Variants in ANKRD28 observed in about 807,000 individuals in gnomAD.
The protein encoded by ANKRD28 is serine/threonine-protein phosphatase 6 regulatory ankyrin repeat subunit A.
Under a neutral mutation model 126.5 loss-of-function variants are expected in ANKRD28, and 44 were observed. That is an observed-to-expected ratio of 0.35 (90% CI 0.27 to 0.45). ANKRD28 has a LOEUF of 0.45. ANKRD28 is among the 20% of genes least tolerant of loss of function. The pLI, the probability that ANKRD28 is intolerant of heterozygous loss-of-function variation, is 1.00. For synonymous variants in ANKRD28, 442 were observed against 468.5 expected (o/e 0.94, Z 0.73); for missense variants, 1,110 against 1,316.6 (o/e 0.84, Z 2.43).
chr3:15,709,777 G>T, intron 12 of ANKRD28, 41 bp from the exon 13 acceptor site: 2 of 1,344,424 alleles, frequency 1.5e-6, no homozygotes, highest in Non-Finnish European at 2.0e-6. Flanking sequence ...AATTGACAGT[G>T]ATTTTATAAT....
At chr3:15,808,216 T>C (rs1354120589) in intron 1 of ANKRD28, among the ~76,000 whole-genome samples, 1 of 152,212 alleles carries the variant, frequency 6.6e-6, no homozygotes, top group Non-Finnish European at 1.5e-5. Context: ...GTTTTTGAGC[T>C]GGTGAGAACC....
chr3:15,802,506 T>C (rs2125856486), upstream of ANKRD28, among the ~76,000 whole-genome samples: 1 of 152,358 alleles, frequency 6.6e-6, no homozygotes, highest in Non-Finnish European at 1.5e-5. Flanking sequence ...AGTGGACATA[T>C]ATCCTTCGAG....
chr3:15,708,660 A>G (rs2071802467), intron 13 of ANKRD28, among the ~76,000 whole-genome samples: 1 of 152,200 alleles, frequency 6.6e-6, no homozygotes, highest in East Asian at 1.9e-4. Context: ...CTATAAAAAT[A>G]TTGCATTCCA....
chr3:15,801,701 C>T (rs2060469047), upstream of ANKRD28, among the ~76,000 whole-genome samples: 1 of 152,108 alleles, frequency 6.6e-6, no homozygotes, highest in Admixed American at 6.5e-5. This position sits in a 1 kb window ranked among gnomAD's most constrained non-coding sequence, Gnocchi z 4.9. Flanking sequence ...GCTTTCTAGG[C>T]TACACAGGCC....
In ANKRD28 at chr3:15,817,067, C is replaced by T. The variant is rs2125901243; in HGVS notation, c.28-21761G>A. On this transcript the variant is annotated intron_variant, in intron 1 of 27. Coordinates refer to the ANKRD28 transcript ENST00000399451. This position sits in a 1 kb window ranked among gnomAD's most constrained non-coding sequence, Gnocchi z 4.5. ...AAACCAAAACCAAAAGAAACCCAAA[C>T]AAAAGCACACATCTGAATACTGTAA... 6.6e-6 allele frequency among the ~76,000 whole-genome samples: 1 copy of T among 152,190 alleles called. No homozygotes were observed. The highest frequency in any genetic ancestry group is 2.4e-5 in the African/African-American group (1 of 41,528).
chr3:15,714,631 T>C lies in ANKRD28; in HGVS notation c.1022A>G (p.His341Arg). The C allele has an allele frequency of 1.3e-6, 2 of 1,599,874 alleles. No individual in the cohort carries two copies. Among genetic ancestry groups the C allele is most frequent in the Non-Finnish European group, 1.7e-6 (2 of 1,175,132 alleles). Residue 341 changes from histidine (H) to arginine (R), a missense_variant, in exon 9 of 28, where the codon CAC (histidine) becomes CGC (arginine). By Grantham distance (29) the His-to-Arg change is conservative (BLOSUM62 0). Coordinates refer to ENST00000683139, the MANE Select transcript of ANKRD28 (RefSeq NM_001349278.2). ...MKSKDGKTPL[H>R]MTALHGRFSR... is the part of the protein sequence containing the mutation. ...GAATCTACCGTGGAGAGCAGTCATG[T>C]GTAGTGGGGTTTTCCCATCTTTACT...
At chr3:15,826,825 G>A (rs1279705439) in intron 1 of ANKRD28, among the ~76,000 whole-genome samples, 1 of 152,130 alleles carries the variant, frequency 6.6e-6, no homozygotes, top group African/African-American at 2.4e-5. Flanking sequence ...AGAAATGACA[G>A]CAGCAGGAAC....
chr3:15,787,435 G>A (rs78828238), intron 2 of ANKRD28, among the ~76,000 whole-genome samples: 8,026 of 152,214 alleles, frequency 0.053, 617 homozygotes, highest in African/African-American at 0.17. Flanking sequence ...AAGAGCTGGA[G>A]GGAGGTGTCA....
At chr3:15,700,547 G>A (rs531145103) in intron 14 of ANKRD28, among the ~76,000 whole-genome samples, 6 of 152,132 alleles carry the variant, frequency 3.9e-5, no homozygotes, top group East Asian at 1.9e-4. Flanking sequence ...AGGCTGAGGC[G>A]GGCAGATCAT....
chr3:15,690,375 A>G (rs2068632941), intron 17 of ANKRD28, among the ~76,000 whole-genome samples, 155 bp from the exon 18 acceptor site: 1 of 152,240 alleles, frequency 6.6e-6, no homozygotes, highest in Non-Finnish European at 1.5e-5. Context: ...AGTTAACTAC[A>G]GATCTTTCTA....
chr3:15,825,461 G>T (rs942853060), intron 1 of ANKRD28, among the ~76,000 whole-genome samples: 1 of 152,088 alleles, frequency 6.6e-6, no homozygotes, highest in South Asian at 2.1e-4. Flanking sequence ...AATTCGGGGC[G>T]GTGGGGGAGG....
chr3:15,735,189 A>G (rs1246872230), intron 6 of ANKRD28, among the ~76,000 whole-genome samples: 1 of 152,008 alleles, frequency 6.6e-6, no homozygotes, highest in African/African-American at 2.4e-5. Flanking sequence ...CTCTTTTTTT[A>G]AGGGTAAATG....
At position 15,838,736 on chromosome 3, in the gene ANKRD28, G is replaced by A. The variant is rs1269959243; in HGVS notation, c.27+20641C>T. On this transcript the variant is annotated intron_variant, in intron 1 of 27. Coordinates refer to the ANKRD28 transcript ENST00000399451. The surrounding 1 kb of genome is among the most constrained non-coding windows in gnomAD (Gnocchi z 4.0). ...GCACTCCAGCCTGGGCAACAAGAAC[G>A]AAACTCCGTCTCAAAAAAAAAAAAA... Among the ~76,000 whole-genome samples the A allele has an allele frequency of 3.7e-5, 5 of 135,954 alleles. No homozygotes were observed. Among genetic ancestry groups the A allele is most frequent in the African/African-American group, 1.0e-4 (4 of 39,084 alleles). 89.2% of individuals were successfully genotyped at this position (135,954 alleles called of 152,430 possible). A position where few individuals can be genotyped will look rare whatever the true frequency, so the allele number is the denominator to read the frequency against.
rs1177183509 is a variant in ANKRD28 at position 15,853,018 on chromosome 3, T to C, written c.27+6359A>G. 2.6e-5 allele frequency among the ~76,000 whole-genome samples: 4 copies of C among 152,018 alleles called. No homozygotes were observed. Among genetic ancestry groups the C allele is most frequent in the Non-Finnish European group, 5.9e-5 (4 of 68,000 alleles). ...GTATCGCTTAAGGAGGGTGGATGAA[T>C]AATTTAATAGCATAACTAAGAATTG... On this transcript the variant is annotated intron_variant, in intron 1 of 27. Transcript: ENST00000399451. The surrounding 1 kb of genome is among the most constrained non-coding windows in gnomAD (Gnocchi z 4.2).
At chr3:15,831,491 T>C (rs775193961) in intron 1 of ANKRD28, among the ~76,000 whole-genome samples, 2 of 152,156 alleles carry the variant, frequency 1.3e-5, no homozygotes, top group Non-Finnish European at 2.9e-5. Flanking sequence ...CTCTGTCCAA[T>C]AGGTGCCAAT....
intron 1 of ANKRD28, among the ~76,000 whole-genome samples, chr3:15,829,717 A>G (rs979120410): frequency 1.3e-5 from 2 of 152,170 alleles, no homozygotes; most frequent in African/African-American, 4.8e-5. Flanking sequence ...AGCTCTGTAA[A>G]GGTAGCAAGC....
chr3:15,712,079 C>T (rs1441927219), intron 11 of ANKRD28, 61 bp downstream of exon 11: 2 of 1,261,098 alleles, frequency 1.6e-6, no homozygotes, highest in Admixed American at 2.0e-5. Context: ...AGGATAGAGA[C>T]CATCTAAAAA....
intron 18 of ANKRD28, chr3:15,686,529 G>A (rs1315818003): frequency 1.4e-5 from 8 of 554,588 alleles, no homozygotes; most frequent in East Asian, 6.4e-5. Flanking sequence ...CAGGCAGACC[G>A]CCTACCCAGC....
At chr3:15,695,876 CAGG>C (rs2069468523) in intron 15 of ANKRD28, among the ~76,000 whole-genome samples, 1 of 151,962 alleles carries the variant, frequency 6.6e-6, no homozygotes, top group Admixed American at 6.6e-5. Context: ...TTTAAAGGGG[CAGG>C]AGAAGTAAAT....
Sources: allele counts gnomAD v4.1 joint callset (sites outside exome capture counted in the v4.1 genomes callset), GRCh38; gene constraint gnomAD v4.1.1; non-coding constraint Gnocchi (gnomAD v3.1); transcripts MANE v1.5; gene names NCBI Gene and HGNC (gene_info 2026-07-23, HGNC 2026-07-21).